The following PSD3 variants were observed in gnomAD, a reference collection of about 807,000 sequenced individuals.
The protein encoded by PSD3 is pleckstrin and Sec7 domain containing 3.
In PSD3, 49 loss-of-function variants were observed where a neutral mutation model predicts 105.5. That is an observed-to-expected ratio of 0.46 (90% CI 0.37 to 0.59). PSD3 has a LOEUF of 0.59. PSD3 is among the 20% of genes least tolerant of loss of function. The pLI, the probability that PSD3 is intolerant of heterozygous loss-of-function variation, is 0.00. For synonymous variants in PSD3, 557 were observed against 457.8 expected, an observed-to-expected ratio of 1.22 and a Z score of -2.77; for missense variants, 1,561 against 1,263.8, an observed-to-expected ratio of 1.24 and a Z score of -3.57.
chr8:18,595,604 G>C (rs1804036738), intron 12 of PSD3, among the ~76,000 whole-genome samples: 1 of 151,758 alleles, frequency 6.6e-6, no homozygotes, highest in East Asian at 1.9e-4. Context: ...GCATGCAATT[G>C]GTAACAAAAA....
intron 9 of PSD3, among the ~76,000 whole-genome samples, chr8:18,748,836 C>A (rs925621848): frequency 1.3e-5 from 2 of 152,010 alleles, no homozygotes; most frequent in Non-Finnish European, 2.9e-5. Flanking sequence ...GGTACAAAGC[C>A]CACTCAGAAT....
intron 1 of PSD3, among the ~76,000 whole-genome samples, chr8:19,046,774 A>T (rs1331503319): frequency 6.6e-6 from 1 of 152,232 alleles, no homozygotes; most frequent in Admixed American, 6.5e-5. Flanking sequence ...TTTCAAAGAA[A>T]TACTGTCGAC....
intron 4 of PSD3, among the ~76,000 whole-genome samples, chr8:18,851,367 A>G (rs1186192499): frequency 1.3e-5 from 2 of 152,218 alleles, no homozygotes; most frequent in Non-Finnish European, 1.5e-5. Flanking sequence ...AAAGCCAAAT[A>G]TAACAATAGA....
intron 10 of PSD3, among the ~76,000 whole-genome samples, chr8:18,637,065 T>C (rs767589): frequency 0.43 from 65,643 of 152,060 alleles, 14,645 homozygotes; most frequent in African/African-American, 0.53. Context: ...AAAACTGGCT[T>C]TCACGATCTG....
intron 11 of PSD3, among the ~76,000 whole-genome samples, chr8:18,616,856 C>G (rs969927479): frequency 4.0e-5 from 6 of 151,866 alleles, no homozygotes; most frequent in African/African-American, 1.5e-4. Flanking sequence ...ATCTCGTGAC[C>G]TCGTGATCCG....
At chr8:18,615,694 TTAAAA>T (rs1055881076) in intron 11 of PSD3, among the ~76,000 whole-genome samples, 4 of 152,128 alleles carry the variant, frequency 2.6e-5, no homozygotes, top group African/African-American at 2.4e-5. Flanking sequence ...GAGCAGGGTG[TTAAAA>T]TAAATGTAAG....
At chr8:19,083,134 C>G (rs1829695463) in intron 1 of PSD3, among the ~76,000 whole-genome samples, 1 of 152,192 alleles carries the variant, frequency 6.6e-6, no homozygotes. Context: ...ACCCTCAACA[C>G]TCCAATGACT....
chr8:18,630,048 A>T (rs28384091), intron 11 of PSD3, among the ~76,000 whole-genome samples: 2,492 of 151,886 alleles, frequency 0.016, 70 homozygotes, highest in African/African-American at 0.056. Context: ...TCCAGTGATA[A>T]AGCAACTGAC....
intron 1 of PSD3, among the ~76,000 whole-genome samples, chr8:19,025,743 C>T (rs1827526997): frequency 6.6e-6 from 1 of 152,192 alleles, no homozygotes; most frequent in Non-Finnish European, 1.5e-5. Flanking sequence ...CCAGGTAGAT[C>T]ATGTCATAAT....
intron 9 of PSD3, among the ~76,000 whole-genome samples, chr8:18,703,646 G>A (rs1801720789): frequency 6.6e-6 from 1 of 152,188 alleles, no homozygotes; most frequent in Non-Finnish European, 1.5e-5. Flanking sequence ...TTCCACAGAA[G>A]ACTGGATGAC....
chr8:18,739,322 T>A (rs1473481), intron 9 of PSD3, among the ~76,000 whole-genome samples: 2 of 151,936 alleles, frequency 1.3e-5, no homozygotes, highest in Non-Finnish European at 2.9e-5. Flanking sequence ...AAAATAGGTG[T>A]TCCCATACTT....
Position 18,528,109 on chromosome 8 carries a change from A to T in PSD3, c.*7634T>A, listed in dbSNP as rs928958364. On this transcript the variant is annotated 3_prime_UTR_variant, in exon 16 of 16. Coordinates refer to ENST00000327040, the MANE Select transcript of PSD3 (RefSeq NM_015310.4). ...CCTTTCTGCCTGTCCTATGGTAATC[A>T]AGGCTGACAATATAAATTCTCCGCT... 1.6e-4 allele frequency: 24 copies of T among 152,350 alleles called. No homozygotes were observed. The highest frequency in any genetic ancestry group is 5.8e-4 in the African/African-American group (24 of 41,576). 9.4% of individuals were successfully genotyped at this position (152,350 alleles called of 1,614,324 possible). A position where few individuals can be genotyped will look rare whatever the true frequency, so the allele number is the denominator to read the frequency against.
chr8:18,679,714 C>A (rs926900990), intron 9 of PSD3, among the ~76,000 whole-genome samples: 3 of 152,228 alleles, frequency 2.0e-5, no homozygotes, highest in Admixed American at 6.5e-5. Context: ...CCAGGGTAGC[C>A]CGCCAGGATG....
intron 12 of PSD3, among the ~76,000 whole-genome samples, chr8:18,582,285 T>A (rs1170956403): frequency 6.6e-6 from 1 of 152,184 alleles, no homozygotes; most frequent in Non-Finnish European, 1.5e-5. Context: ...AACTGCTTTA[T>A]CGATAATTTC....
rs1016394978 is a variant in PSD3 at position 18,550,249 on chromosome 8, C to T, written c.2928+5960G>A. ...TTGCAATCATCTACTAAAAATGTGG[C>T]TCAAAGAATCCTGTTGCTAGGCTCC... On this transcript the variant is annotated intron_variant, in intron 15 of 15. Transcript: ENST00000327040. 6.6e-5 allele frequency among the ~76,000 whole-genome samples: 10 copies of T among 152,270 alleles called. No individual in the cohort carries two copies. The East Asian group carries it at 9.7e-4, about 15-fold the overall frequency.
Position 18,805,400 on chromosome 8 carries a change from A to G in PSD3, c.1635-502T>C, listed in dbSNP as rs76235701. ...ATTTCTACATTCAATCAGTAACAAT[A>G]TATTATTTTGGTTGAAACACATTAA... On this transcript the variant is annotated intron_variant, in intron 4 of 15. Transcript: ENST00000327040. Among the ~76,000 whole-genome samples the G allele has an allele frequency of 5.5e-3, 841 of 152,312 alleles. 12 individuals are homozygous for G. The highest frequency in any genetic ancestry group is 0.017 in the African/African-American group (727 of 41,564).
chr8:18,605,829 C>A (rs191581860), intron 11 of PSD3, among the ~76,000 whole-genome samples: 148 of 152,178 alleles, frequency 9.7e-4, no homozygotes, highest in African/African-American at 3.4e-3. Context: ...GTGTGGAGCA[C>A]CCCCCTTCTC....
chr8:19,034,806 G>C (rs1827889120), intron 1 of PSD3, among the ~76,000 whole-genome samples: 1 of 152,140 alleles, frequency 6.6e-6, no homozygotes, highest in Non-Finnish European at 1.5e-5. Flanking sequence ...GGATCCCAGA[G>C]GACAAAGCAA....
intron 14 of PSD3, among the ~76,000 whole-genome samples, chr8:18,558,098 TG>T (rs1801186930): frequency 6.6e-6 from 1 of 152,254 alleles, no homozygotes; most frequent in African/African-American, 2.4e-5. Flanking sequence ...GCTGGCACCT[TG>T]ATCTTGGATT....
Sources: allele counts gnomAD v4.1 joint callset (sites outside exome capture counted in the v4.1 genomes callset), GRCh38; gene constraint gnomAD v4.1.1; transcripts MANE v1.5; gene names NCBI Gene and HGNC (gene_info 2026-07-23, HGNC 2026-07-21).